SUN3: variants seen among roughly 807,000 people sequenced by gnomAD.
The protein encoded by SUN3 is SUN domain-containing protein 3.
Under a neutral mutation model 48.2 loss-of-function variants are expected in SUN3, and 36 were observed. The observed-to-expected ratio is 0.75, with a 90% confidence interval of 0.57 to 0.99. SUN3 has a LOEUF of 0.99. Among genes scored for constraint, SUN3 ranks in the 50% least tolerant of loss-of-function variants. The pLI is 0.00. For missense variants in SUN3, 419 were observed against 433.1 expected (o/e 0.97, Z 0.29); for synonymous variants, 148 against 147.9 (o/e 1.00, Z 0.00).
intron 6 of SUN3, among the ~76,000 whole-genome samples, chr7:48,002,788 T>C (rs973647550): frequency 2.0e-5 from 3 of 152,200 alleles, no homozygotes; most frequent in African/African-American, 4.8e-5. Flanking sequence ...GATGTCTTTG[T>C]CGTGATATCT....
In SUN3 at chr7:48,027,644, C is replaced by T. The variant is rs1397526743; in HGVS notation, c.122+1173G>A. On this transcript the variant is annotated intron_variant, in intron 1 of 9. Coordinates refer to ENST00000297325, the MANE Select transcript of SUN3 (RefSeq NM_001030019.2). ...ATGGACCATTCATTAACTGTATTCACTAGAGTGGGCCGCCTAATTCTCCCA... is the reference window on the plus strand; with the variant it reads ...ATGGACCATTCATTAACTGTATTCATTAGAGTGGGCCGCCTAATTCTCCCA... 2.6e-5 allele frequency among the ~76,000 whole-genome samples: 4 copies of T among 152,176 alleles called. No homozygotes were observed. The East Asian group carries it at 7.7e-4, about 29-fold the overall frequency.
chr7:47,995,318 A>G (rs1387852845), intron 7 of SUN3, among the ~76,000 whole-genome samples: 1 of 149,516 alleles, frequency 6.7e-6, no homozygotes, highest in Non-Finnish European at 1.5e-5. Flanking sequence ...GGTTGTGATG[A>G]AGAAAGATGG....
At chr7:47,996,724 C>T (rs1789222969) in intron 6 of SUN3, among the ~76,000 whole-genome samples, 2 of 151,760 alleles carry the variant, frequency 1.3e-5, no homozygotes. Flanking sequence ...TTACAAATTG[C>T]ATTTGCATAA....
chr7:47,996,067 G>T lies in SUN3; in HGVS notation c.657C>A (p.Phe219Leu). The T allele has an allele frequency of 6.3e-7, 1 of 1,587,724 alleles. No homozygotes were observed. The highest frequency in any genetic ancestry group is 1.4e-5 in the African/African-American group (1 of 73,290). The change falls in exon 7 of 10, where the codon TTC becomes TTA. Residue 219 changes from phenylalanine to leucine, a missense_variant. Phe to Leu is a conservative substitution (Grantham distance 22). Transcript: ENST00000297325. Reference sequence around the variant, plus strand: ...TATCTGGAGGCATTTCATGATTTAGGAAACCTATCCCATGCCAGTACAATT... The same window carrying T: ...TATCTGGAGGCATTTCATGATTTAGTAAACCTATCCCATGCCAGTACAATT... ...KAKLYWHGIG[F>L]LNHEMPPDII...
Position 48,028,807 on chromosome 7 carries a change from G to A in SUN3, c.122+10C>T. 1 of 1,613,432 alleles carries A rather than the reference G, an allele frequency of 6.2e-7. No homozygotes were observed. Among genetic ancestry groups the A allele is most frequent in the Non-Finnish European group, 8.5e-7 (1 of 1,179,516 alleles). On this transcript the variant is annotated intron_variant, in intron 1 of 9. Transcript: ENST00000297325. ...AATTTCAGGCACACCGTTCTGCCAT[G>A]TTTACCTACCCATTCGCATCAGGAT...
chr7:48,023,527 G>T (rs1790057596), intron 2 of SUN3, among the ~76,000 whole-genome samples: 1 of 152,132 alleles, frequency 6.6e-6, no homozygotes, highest in Non-Finnish European at 1.5e-5. Flanking sequence ...AACAAAAAAG[G>T]TATAAGATAT....
intron 6 of SUN3, among the ~76,000 whole-genome samples, chr7:47,998,646 C>G (rs112336763): frequency 6.6e-6 from 1 of 151,906 alleles, no homozygotes; most frequent in Admixed American, 6.6e-5. Flanking sequence ...TAAAAAATTT[C>G]GCTTATTTTT....
At chr7:47,998,298 G>C (rs954460517) in intron 6 of SUN3, among the ~76,000 whole-genome samples, 1 of 151,848 alleles carries the variant, frequency 6.6e-6, no homozygotes, top group Non-Finnish European at 1.5e-5. Context: ...TTGAGGTTTT[G>C]ACATTTCACT....
rs1039825689 is a variant in SUN3, at chr7:48,025,748, T to C, written c.184+129A>G. 28 of 490,996 alleles carry C rather than the reference T, an allele frequency of 5.7e-5. 1 individual carries two copies. Among genetic ancestry groups the C allele is most frequent in the Non-Finnish European group, 9.8e-5 (27 of 274,992 alleles). The allele number at this position is 490,996 out of a possible 1,614,324, so 30.4% of individuals were successfully genotyped here. On this transcript the variant is annotated intron_variant, in intron 2 of 9. Coordinates refer to ENST00000297325, the MANE Select transcript of SUN3 (RefSeq NM_001030019.2). Reference sequence around the variant, plus strand: ...AAAACAAACGAAAAAGCTTTGAGAATGTGCAGGTCACCTCCAGCACTTTCC... The same window carrying C: ...AAAACAAACGAAAAAGCTTTGAGAACGTGCAGGTCACCTCCAGCACTTTCC...
chr7:48,025,129 C>CA lies in SUN3; in HGVS notation c.184+747dup, dbSNP rs200647920. 8.6e-4 allele frequency among the ~76,000 whole-genome samples: 131 copies of CA among 152,132 alleles called. 1 individual carries two copies. The East Asian group carries it at 0.021, about 24-fold the overall frequency. ...CACTTATGCACAGCATCACTATTCA[C>CA]AATAGCCTAAAGATAAAAGCACTCT... On this transcript the variant is annotated intron_variant, in intron 2 of 9. Transcript: ENST00000297325.
At chr7:48,023,477 C>T (rs930202209) in intron 2 of SUN3, among the ~76,000 whole-genome samples, 9 of 151,426 alleles carry the variant, frequency 5.9e-5, no homozygotes, top group Admixed American at 3.3e-4. Flanking sequence ...TACAACAAAG[C>T]AATTAAACAC....
chr7:48,033,722 C>T (rs1790281498), upstream of SUN3, among the ~76,000 whole-genome samples: 1 of 152,032 alleles, frequency 6.6e-6, no homozygotes, highest in Admixed American at 6.5e-5. Context: ...GCTCTTTGGT[C>T]ATGACAGCTC....
At chr7:48,027,354 C>A (rs1396483979) in intron 1 of SUN3, among the ~76,000 whole-genome samples, 1 of 152,134 alleles carries the variant, frequency 6.6e-6, no homozygotes, top group African/African-American at 2.4e-5. Flanking sequence ...GTATGTATTT[C>A]ATTTAAGTGT....
upstream of SUN3, among the ~76,000 whole-genome samples, chr7:48,033,962 G>C (rs1348518321): frequency 6.6e-6 from 1 of 152,190 alleles, no homozygotes; most frequent in Admixed American, 6.5e-5. Flanking sequence ...GCTGAGACAG[G>C]AGAATTGCTT....
At chr7:47,996,948 C>T (rs980899030) in intron 6 of SUN3, among the ~76,000 whole-genome samples, 2 of 151,874 alleles carry the variant, frequency 1.3e-5, no homozygotes, top group African/African-American at 4.8e-5. Context: ...ACTACAGGCG[C>T]CCGCCACCAC....
At chr7:48,031,922 G>A (rs1386830277), upstream of SUN3, among the ~76,000 whole-genome samples, 2 of 151,834 alleles carry the variant, frequency 1.3e-5, no homozygotes, top group Non-Finnish European at 2.9e-5. Flanking sequence ...ATATTATTCA[G>A]CCATAAAAAG....
At chr7:48,035,410 C>G in the SUN3 span, 4 of 657,918 alleles carry the variant, frequency 6.1e-6, no homozygotes, top group East Asian at 1.1e-4. The surrounding 1 kb of genome is among the most constrained non-coding windows in gnomAD (Gnocchi z 4.0). Flanking sequence ...CCGCTTCCTG[C>G]CCTGATTGGC....
intron 8 of SUN3, among the ~76,000 whole-genome samples, chr7:47,992,326 A>T (rs548715201): frequency 6.6e-6 from 1 of 152,232 alleles, no homozygotes; most frequent in Non-Finnish European, 1.5e-5. Context: ...AAGCGAGCAG[A>T]AGAAAATGAG....
At chr7:48,022,202 G>C (rs112298656) in intron 2 of SUN3, among the ~76,000 whole-genome samples, 12,518 of 152,086 alleles carry the variant, frequency 0.082, 1,726 homozygotes, top group African/African-American at 0.29. Flanking sequence ...AATTATTTGT[G>C]GGAGCTAAAA....
Sources: allele counts gnomAD v4.1 joint callset (sites outside exome capture counted in the v4.1 genomes callset), GRCh38; gene constraint gnomAD v4.1.1; non-coding constraint Gnocchi (gnomAD v3.1); transcripts MANE v1.5; gene names NCBI Gene and HGNC (gene_info 2026-07-23, HGNC 2026-07-21).